The following ANKS1B variants were observed in gnomAD, a reference collection of about 807,000 sequenced individuals.
The protein encoded by ANKS1B is ankyrin repeat and sterile alpha motif domain-containing protein 1B.
Under a neutral mutation model 148.3 loss-of-function variants are expected in ANKS1B, and 36 were observed. That is an observed-to-expected ratio of 0.24 (90% CI 0.19 to 0.32). The LOEUF (loss-of-function observed/expected upper bound fraction) is 0.32. ANKS1B is among the 10% of genes least tolerant of loss of function. ANKS1B has a pLI of 1.00. For missense variants in ANKS1B, 1,157 were observed against 1,542.6 expected (o/e 0.75, Z 4.19); for synonymous variants, 542 against 560.8 (o/e 0.97, Z 0.47).
chr12:99,610,290 C>G (rs2097890027), intron 9 of ANKS1B, among the ~76,000 whole-genome samples: 1 of 151,976 alleles, frequency 6.6e-6, no homozygotes, highest in Non-Finnish European at 1.5e-5. Context: ...TGGTAATAGA[C>G]TGAGTAGGGA....
At chr12:99,832,498 T>C (rs1273657475) in intron 1 of ANKS1B, among the ~76,000 whole-genome samples, 1 of 151,666 alleles carries the variant, frequency 6.6e-6, no homozygotes, top group African/African-American at 2.4e-5. Flanking sequence ...CCGGGGCAGG[T>C]GGATTACTTG....
At chr12:99,954,745 G>GGAT (rs2095287921) in intron 1 of ANKS1B, among the ~76,000 whole-genome samples, 1 of 152,100 alleles carries the variant, frequency 6.6e-6, no homozygotes, top group African/African-American at 2.4e-5. Flanking sequence ...TTGGCATCCA[G>GGAT]TGTGTACAGG....
At chr12:98,738,899 C>T (rs1420613090) in intron 9 of ANKS1B, among the ~76,000 whole-genome samples, 2 of 152,162 alleles carry the variant, frequency 1.3e-5, no homozygotes, top group Non-Finnish European at 1.5e-5. Context: ...GCTTATTGCC[C>T]TACTTGCTGT....
intron 17 of ANKS1B, among the ~76,000 whole-genome samples, chr12:98,924,278 C>T (rs964014842): frequency 1.3e-5 from 2 of 152,190 alleles, no homozygotes; most frequent in East Asian, 3.9e-4. Flanking sequence ...TTGCACATTA[C>T]CAGAGAATAG....
At chr12:99,890,114 A>G (rs1565935507) in intron 1 of ANKS1B, among the ~76,000 whole-genome samples, 1 of 152,172 alleles carries the variant, frequency 6.6e-6, no homozygotes, top group African/African-American at 2.4e-5. Context: ...GGTGAAGAAA[A>G]TCAAACTTGG....
chr12:99,899,320 T>C (rs961427444), intron 1 of ANKS1B, among the ~76,000 whole-genome samples: 6 of 152,208 alleles, frequency 3.9e-5, no homozygotes, highest in African/African-American at 1.4e-4. Context: ...ACACTTCCTG[T>C]AGTTAAAATT....
intron 19 of ANKS1B, among the ~76,000 whole-genome samples, chr12:98,815,632 C>T (rs1022430974): frequency 6.6e-6 from 1 of 152,190 alleles, no homozygotes; most frequent in African/African-American, 2.4e-5. Context: ...CTGATGACCT[C>T]ACCTCCCTGT....
intron 1 of ANKS1B, among the ~76,000 whole-genome samples, chr12:99,968,154 G>A (rs1453720521): frequency 1.3e-5 from 2 of 152,062 alleles, no homozygotes; most frequent in Non-Finnish European, 2.9e-5. Flanking sequence ...TGGTTCCCCA[G>A]TTTTCCTACA....
At chr12:99,877,784 G>A (rs1255422822) in intron 1 of ANKS1B, among the ~76,000 whole-genome samples, 1 of 152,152 alleles carries the variant, frequency 6.6e-6, no homozygotes, top group African/African-American at 2.4e-5. Flanking sequence ...ACCTGACCAG[G>A]TGCTGACCAC....
At chr12:99,780,906 T>C (rs952408852) in intron 5 of ANKS1B, among the ~76,000 whole-genome samples, 1 of 152,176 alleles carries the variant, frequency 6.6e-6, no homozygotes, top group African/African-American at 2.4e-5. Flanking sequence ...GTCACACTAA[T>C]CATCCACCTG....
At chr12:99,824,205 C>T (rs932445134) in intron 2 of ANKS1B, among the ~76,000 whole-genome samples, 2 of 151,978 alleles carry the variant, frequency 1.3e-5, no homozygotes, top group African/African-American at 4.8e-5. Context: ...CAGTAATTAC[C>T]ACATCTAAAA....
At chr12:99,229,074 A>G (rs2086412968) in intron 14 of ANKS1B, among the ~76,000 whole-genome samples, 1 of 151,998 alleles carries the variant, frequency 6.6e-6, no homozygotes, top group South Asian at 2.1e-4. Context: ...AAGAGAGAGC[A>G]GAAAATAAAA....
In ANKS1B at chr12:98,795,771, T is replaced by C. The variant is rs2098942986; in HGVS notation, c.3342+3163A>G. ...CCAGTCTCTGGATTCACAGTGTGGG[T>C]AGTGGAGTGGACTGCCTGGTTTCAA... is the stretch of plus-strand genomic sequence containing the variant. On this transcript the variant is annotated intron_variant, in intron 22 of 26. Transcript: ENST00000683438. 10 of 392,976 alleles carry C rather than the reference T, an allele frequency of 2.5e-5. 1 individual carries two copies. Among genetic ancestry groups the C allele is most frequent in the South Asian group, 1.8e-4 (9 of 51,092 alleles). The allele number at this position is 392,976 out of a possible 1,614,324, so 24.3% of individuals were successfully genotyped here. A position where few individuals can be genotyped will look rare whatever the true frequency, so the allele number is the denominator to read the frequency against.
chr12:99,845,520 A>T (rs1257637901), intron 1 of ANKS1B, among the ~76,000 whole-genome samples: 6 of 151,938 alleles, frequency 3.9e-5, no homozygotes, highest in Non-Finnish European at 8.8e-5. Context: ...GTAATGACTT[A>T]GTTTATTGAT....
chr12:98,994,123 C>T (rs1424244330), intron 17 of ANKS1B, among the ~76,000 whole-genome samples: 3 of 152,016 alleles, frequency 2.0e-5, no homozygotes, highest in Non-Finnish European at 2.9e-5. Context: ...CCCACAGCGT[C>T]GTATGATACA....
intron 1 of ANKS1B, among the ~76,000 whole-genome samples, chr12:99,935,884 C>G (rs962157620): frequency 5.9e-5 from 5 of 84,542 alleles, no homozygotes; most frequent in African/African-American, 2.2e-4. Context: ...AAGGAAATAC[C>G]TGACACTGGA....
chr12:99,055,729 G>C (rs911939708), intron 16 of ANKS1B, among the ~76,000 whole-genome samples: 3 of 151,352 alleles, frequency 2.0e-5, no homozygotes, highest in African/African-American at 7.3e-5. Context: ...CTTGGGGGGG[G>C]GGGAGGTGGT....
In ANKS1B at chr12:98,918,205, T is replaced by C. The variant is rs374066824; in HGVS notation, c.2779-86069A>G. Among the ~76,000 whole-genome samples the C allele has an allele frequency of 5.9e-5, 9 of 152,182 alleles. 1 individual carries two copies. The highest frequency in any genetic ancestry group is 2.0e-4 in the Admixed American group (3 of 15,294). ...TGGCCCCTCAGGCCCTTCACGGAGGTTAGTTGGCTAGAGGAGTGAGATTCT... is the reference window on the plus strand; with the variant it reads ...TGGCCCCTCAGGCCCTTCACGGAGGCTAGTTGGCTAGAGGAGTGAGATTCT... On this transcript the variant is annotated intron_variant, in intron 17 of 26. Coordinates refer to ENST00000683438, the MANE Select transcript of ANKS1B (RefSeq NM_001352186.2).
intron 17 of ANKS1B, among the ~76,000 whole-genome samples, chr12:98,978,812 A>G (rs770616665): frequency 6.6e-6 from 1 of 152,156 alleles, no homozygotes; most frequent in East Asian, 1.9e-4. Flanking sequence ...TAATAATAAC[A>G]TATTTTTGCT....
Sources: allele counts gnomAD v4.1 joint callset (sites outside exome capture counted in the v4.1 genomes callset), GRCh38; gene constraint gnomAD v4.1.1; transcripts MANE v1.5; gene names NCBI Gene and HGNC (gene_info 2026-07-23, HGNC 2026-07-21).